The following RNF180 variants were observed in gnomAD, a reference collection of about 807,000 sequenced individuals.
The protein encoded by RNF180 is ring finger protein 180.
A neutral mutation model predicts 59.2 loss-of-function variants in RNF180; 38 were observed. The ratio of observed to expected loss-of-function variants is 0.64; its 90% CI spans 0.50 to 0.84. The LOEUF (loss-of-function observed/expected upper bound fraction) is 0.84. Among genes scored for constraint, RNF180 ranks in the 40% least tolerant of loss-of-function variants. The pLI, the probability that RNF180 is intolerant of heterozygous loss-of-function variation, is 0.00. For synonymous variants in RNF180, 262 were observed against 240.3 expected (o/e 1.09, Z -0.84); for missense variants, 705 against 700.9 (o/e 1.01, Z -0.07).
chr5:64,332,515 G>A (rs756741341), intron 7 of RNF180, among the ~76,000 whole-genome samples: 104 of 152,150 alleles, frequency 6.8e-4, no homozygotes, highest in Non-Finnish European at 5.4e-4. Context: ...TGTAAAATAG[G>A]AATAATTATG....
At position 64,177,104 on chromosome 5, in the gene RNF180, G is replaced by A. The variant is rs561478017; in HGVS notation, c.-1+11151G>A. Among the ~76,000 whole-genome samples, 3 of 152,234 alleles carry A rather than the reference G, an allele frequency of 2.0e-5. No individual in the cohort carries two copies. The South Asian group carries it at 6.2e-4, about 32-fold the overall frequency. Reference sequence around the variant, plus strand: ...GTTAATTCTCAGACTGTTTTCTGATGATACGTGAAGTGTATAATAGATATT... The same window carrying A: ...GTTAATTCTCAGACTGTTTTCTGATAATACGTGAAGTGTATAATAGATATT... On this transcript the variant is annotated intron_variant, in intron 1 of 7. Transcript: ENST00000389100.
intron 5 of RNF180, among the ~76,000 whole-genome samples, chr5:64,281,609 C>T (rs966702833): frequency 2.0e-5 from 3 of 152,134 alleles, no homozygotes; most frequent in Non-Finnish European, 4.4e-5. Context: ...AGCAATTCTC[C>T]TGCCTCAGCC....
At chr5:64,191,753 A>G (rs970089805) in intron 1 of RNF180, among the ~76,000 whole-genome samples, 1 of 151,556 alleles carries the variant, frequency 6.6e-6, no homozygotes, top group Non-Finnish European at 1.5e-5. Flanking sequence ...TTGCCTTTTC[A>G]CTCTGTTGAT....
chr5:64,253,052 A>C (rs2112283454), intron 5 of RNF180, among the ~76,000 whole-genome samples: 1 of 152,248 alleles, frequency 6.6e-6, no homozygotes, highest in Middle Eastern at 3.4e-3. Context: ...TTTACCACTA[A>C]AAAACTGAGT....
In RNF180 at chr5:64,290,603, T is replaced by G. The variant is rs566128095; in HGVS notation, c.1228-34583T>G. On this transcript the variant is annotated intron_variant, in intron 5 of 7. Transcript: ENST00000389100. ...TATATTTAGGATAGTTAGCTCTTTT[T>G]GTTGAATTGAACCATTTACCATTGT... is the stretch of plus-strand genomic sequence containing the variant. 6.6e-5 allele frequency among the ~76,000 whole-genome samples: 10 copies of G among 152,354 alleles called. No homozygotes were observed. In the South Asian group the frequency reaches 2.1e-3, roughly 32 times the overall value.
intron 7 of RNF180, 63 bp downstream of exon 7, chr5:64,330,469 T>A: frequency 7.2e-7 from 1 of 1,396,730 alleles, no homozygotes; most frequent in Non-Finnish European, 9.7e-7. Flanking sequence ...TTCTTAAAAG[T>A]AACTTCCTGC....
At chr5:64,182,540 C>T (rs923460855) in intron 1 of RNF180, among the ~76,000 whole-genome samples, 3 of 152,172 alleles carry the variant, frequency 2.0e-5, no homozygotes, top group Non-Finnish European at 2.9e-5. Flanking sequence ...ATAACTGGGA[C>T]AGCTTGGCTG....
At chr5:64,243,099 A>T (rs1742895353) in intron 5 of RNF180, among the ~76,000 whole-genome samples, 1 of 152,234 alleles carries the variant, frequency 6.6e-6, no homozygotes, top group Non-Finnish European at 1.5e-5. Context: ...CCTGTTGACC[A>T]GGAGATTCCC....
rs147321897 is a variant in RNF180 at position 64,325,791 on chromosome 5, C to T, written c.1453+380C>T. ...CCTTTGGAGTCACAGAGAATAAATC[C>T]GTAAATATCTAAGTACAATTACTAC... On this transcript the variant is annotated intron_variant, in intron 6 of 7. Transcript: ENST00000389100. 1.2e-4 allele frequency among the ~76,000 whole-genome samples: 19 copies of T among 152,196 alleles called. No homozygotes were observed. In the East Asian group the frequency reaches 2.7e-3, roughly 22 times the overall value.
chr5:64,354,404 A>T (rs941142652), intron 7 of RNF180, among the ~76,000 whole-genome samples: 7 of 151,882 alleles, frequency 4.6e-5, no homozygotes, highest in African/African-American at 1.7e-4. Context: ...AATCTAGAAG[A>T]AATAGAAAAT....
chr5:64,272,264 A>G (rs1741452850), intron 5 of RNF180, among the ~76,000 whole-genome samples: 1 of 152,088 alleles, frequency 6.6e-6, no homozygotes, highest in African/African-American at 2.4e-5. Flanking sequence ...AAGGCTTTCC[A>G]AATTGAAAAA....
intron 1 of RNF180, among the ~76,000 whole-genome samples, chr5:64,191,933 T>G (rs1751181709): frequency 6.6e-6 from 1 of 152,206 alleles, no homozygotes; most frequent in African/African-American, 2.4e-5. Flanking sequence ...ATATTACTGT[T>G]TAAGTGTTTA....
chr5:64,268,583 TACCCC>T (rs1744821833), intron 5 of RNF180, among the ~76,000 whole-genome samples: 1 of 152,152 alleles, frequency 6.6e-6, no homozygotes, highest in Non-Finnish European at 1.5e-5. Context: ...AAAATCAAAA[TACCCC>T]TTATACATGG....
chr5:64,243,580 C>A (rs1240770385), intron 5 of RNF180, among the ~76,000 whole-genome samples: 1 of 152,162 alleles, frequency 6.6e-6, no homozygotes, highest in Admixed American at 6.5e-5. Context: ...AGGCAGCAGC[C>A]CCAGTCATGG....
At chr5:64,201,830 C>T (rs1751766664) in intron 2 of RNF180, among the ~76,000 whole-genome samples, 1 of 152,166 alleles carries the variant, frequency 6.6e-6, no homozygotes. Context: ...ACCTCCACCT[C>T]CTGGGTTCAA....
intron 5 of RNF180, among the ~76,000 whole-genome samples, chr5:64,280,575 T>C (rs1741958947): frequency 6.6e-6 from 1 of 151,966 alleles, no homozygotes; most frequent in Non-Finnish European, 1.5e-5. Flanking sequence ...TTTTCCTCAT[T>C]GTTTTTTTTT....
intron 5 of RNF180, among the ~76,000 whole-genome samples, chr5:64,259,477 T>G (rs1379964057): frequency 6.6e-6 from 1 of 152,184 alleles, no homozygotes. Context: ...ATAGACCTTG[T>G]GATGTTCAAC....
chr5:64,255,549 A>G (rs184154927), intron 5 of RNF180, among the ~76,000 whole-genome samples: 3,090 of 152,304 alleles, frequency 0.02, 121 homozygotes, highest in African/African-American at 0.071. Flanking sequence ...TTATGGCTGC[A>G]TAGTATTCCA....
At chr5:64,344,048 A>G (rs1414786648) in intron 7 of RNF180, among the ~76,000 whole-genome samples, 1 of 151,890 alleles carries the variant, frequency 6.6e-6, no homozygotes, top group African/African-American at 2.4e-5. Context: ...ATCTAGAGAC[A>G]TCATCTAGAG....
Sources: gnomAD v4.1 joint callset for allele counts (sites outside exome capture counted in the v4.1 genomes callset) on GRCh38, gnomAD v4.1.1 for gene constraint, MANE v1.5 for transcripts, NCBI Gene and HGNC (gene_info 2026-07-23, HGNC 2026-07-21) for gene names.